The following RADIL variants were observed in gnomAD, a reference collection of about 807,000 sequenced individuals.
RADIL encodes the protein Rap associating with DIL domain, also known as ras-associating and dilute domain-containing protein.
Under a neutral mutation model 97.6 loss-of-function variants are expected in RADIL, and 99 were observed. The ratio of observed to expected loss-of-function variants is 1.01; its 90% CI spans 0.86 to 1.20. RADIL has a LOEUF of 1.20. Among genes scored for constraint, RADIL ranks in the 50% most tolerant of loss-of-function variants. RADIL has a pLI of 0.00. For synonymous variants in RADIL, 803 were observed against 691.8 expected, an observed-to-expected ratio of 1.16 and a Z score of -2.52; for missense variants, 1,765 against 1,498.9, an observed-to-expected ratio of 1.18 and a Z score of -2.93.
intron 5 of RADIL, 36 bp downstream of exon 5, chr7:4,832,105 G>A: frequency 1.2e-6 from 2 of 1,608,602 alleles, no homozygotes; most frequent in South Asian, 1.1e-5. Context: ...AGGACCTGCT[G>A]CCCAGAGGCG....
chr7:4,799,508 G>A (rs752746688), intron 14 of RADIL, 25 bp from the exon 15 acceptor site: 8 of 1,613,630 alleles, frequency 5.0e-6, no homozygotes, highest in Non-Finnish European at 6.8e-6. Context: ...AGAGGTGGGG[G>A]TGGGCAGGAG....
intron 12 of RADIL, 55 bp downstream of exon 12, chr7:4,801,597 AG>A (rs2115153277): frequency 1.3e-6 from 2 of 1,513,204 alleles, no homozygotes; most frequent in East Asian, 4.9e-5. Context: ...ACCGGCCATC[AG>A]GGTGCTGTGC....
intron 2 of RADIL, among the ~76,000 whole-genome samples, chr7:4,864,148 C>A (rs1331850693): frequency 2.0e-5 from 3 of 152,216 alleles, no homozygotes; most frequent in Non-Finnish European, 2.9e-5. Flanking sequence ...TCAAAAACAG[C>A]TATCAGCAAG....
At chr7:4,858,286 G>A (rs1783884954) in intron 2 of RADIL, 1 of 152,124 alleles carries the variant, frequency 6.6e-6, no homozygotes, top group African/African-American at 2.4e-5. Flanking sequence ...GGACGGGAGG[G>A]GTTAAAGCAA....
At chr7:4,828,099 C>G (rs1346231813) in intron 5 of RADIL, among the ~76,000 whole-genome samples, 3 of 152,130 alleles carry the variant, frequency 2.0e-5, no homozygotes, top group African/African-American at 7.2e-5. Context: ...AAGGACTGCA[C>G]GCTGTTGGTG....
intron 2 of RADIL, among the ~76,000 whole-genome samples, chr7:4,875,061 G>A (rs1562460457): frequency 2.0e-5 from 3 of 146,556 alleles, no homozygotes; most frequent in Non-Finnish European, 2.9e-5. Flanking sequence ...GCGTGGTGGC[G>A]GGCGCCTGTA....
intron 9 of RADIL, among the ~76,000 whole-genome samples, chr7:4,809,998 T>C (rs1782493798): frequency 6.6e-6 from 1 of 151,978 alleles, no homozygotes; most frequent in Admixed American, 6.6e-5. Context: ...CTAATTTTTG[T>C]ATATTTACGC....
Position 4,827,857 on chromosome 7 carries a change from C to T in RADIL, c.1454+4284G>A, listed in dbSNP as rs373056371. Among the ~76,000 whole-genome samples the T allele has an allele frequency of 1.1e-4, 16 of 152,118 alleles. 1 individual carries two copies. The East Asian group carries it at 2.3e-3, about 22-fold the overall frequency. The stretch of plus-strand genomic sequence containing the variant: ...CGGAGAAAGCTCCCCAATTCATGTT[C>T]TGTGAACCTTGTTACTAAAATCAGA... On this transcript the variant is annotated intron_variant, in intron 5 of 14. Coordinates refer to ENST00000399583, the MANE Select transcript of RADIL (RefSeq NM_018059.5).
rs780994887 is a variant in RADIL at position 4,816,478 on chromosome 7, AGAG to A, written c.1729-16_1729-14del. The A allele has an allele frequency of 8.2e-6, 13 of 1,589,354 alleles. No homozygotes were observed. Among genetic ancestry groups the A allele is most frequent in the Admixed American group, 1.7e-5 (1 of 59,088 alleles). ...AGATGTACAGGGACTGGCGGGGGCA[AGAG>A]GAGAACAGCAACCAGCATTTCCAGG... On this transcript the variant is annotated splice_polypyrimidine_tract_variant and intron_variant, in intron 7 of 14. Transcript: ENST00000399583.
intron 5 of RADIL, among the ~76,000 whole-genome samples, chr7:4,825,795 G>C (rs1226247943): frequency 2.1e-5 from 3 of 143,500 alleles, no homozygotes; most frequent in African/African-American, 7.7e-5. Flanking sequence ...AGAATTTCTT[G>C]AACCAGGACC....
chr7:4,835,087 C>A lies in RADIL; in HGVS notation c.936G>T (p.Ala312=). 1.9e-6 allele frequency: 3 copies of A among 1,607,482 alleles called. No homozygotes were observed. In the East Asian group the frequency reaches 6.7e-5, roughly 36 times the overall value. The part of the protein sequence containing the change: ...RQPLPDSGQA[A]GRLVLEPIPG... ...GGATGGGCTCCAGGACCAGCCTCCC[C>A]GCGGCCTGGCCGCTGTCCGGGAGCG... is the stretch of plus-strand genomic sequence containing the variant. The change falls in exon 4 of 15, where the codon GCG becomes GCT. Residue 312 remains alanine (A), a synonymous_variant. Coordinates refer to ENST00000399583, the MANE Select transcript of RADIL (RefSeq NM_018059.5). The surrounding 1 kb of genome is among the most constrained non-coding windows in gnomAD (Gnocchi z 5.8).
At chr7:4,857,196 T>A (rs1049285353) in intron 2 of RADIL, among the ~76,000 whole-genome samples, 2 of 152,246 alleles carry the variant, frequency 1.3e-5, no homozygotes, top group East Asian at 3.8e-4. Context: ...CCTGATGCTG[T>A]AGGACTTCTA....
chr7:4,830,079 T>C (rs1240925105), intron 5 of RADIL, among the ~76,000 whole-genome samples: 2 of 152,178 alleles, frequency 1.3e-5, no homozygotes, highest in Non-Finnish European at 2.9e-5. Context: ...TCGTCAGTGT[T>C]ATCTCACGTG....
In RADIL at chr7:4,813,537, C is replaced by G. The variant is rs1782601060; in HGVS notation, c.2139+1741G>C. 6.6e-6 allele frequency among the ~76,000 whole-genome samples: 1 copy of G among 152,242 alleles called. No homozygotes were observed. The highest frequency in any genetic ancestry group is 6.5e-5 in the Admixed American group (1 of 15,288). ...CCTCCCTCCTGTGAGATGGCCAGTG[C>G]TGTGCTGTTCCAGTTTCTGTTTCCC... On this transcript the variant is annotated intron_variant, in intron 9 of 14. Transcript: ENST00000399583. This position sits in a 1 kb window ranked among gnomAD's most constrained non-coding sequence, Gnocchi z 5.0.
intron 2 of RADIL, among the ~76,000 whole-genome samples, chr7:4,850,848 G>C (rs1783691414): frequency 6.6e-6 from 1 of 152,200 alleles, no homozygotes; most frequent in South Asian, 2.1e-4. Flanking sequence ...CTCCTGACTT[G>C]TGGAAAACGT....
rs1210328529 is a variant in RADIL at position 4,824,033 on chromosome 7, G to A, written c.1455-1479C>T. Among the ~76,000 whole-genome samples the A allele has an allele frequency of 6.6e-6, 1 of 152,160 alleles. No homozygotes were observed. Among genetic ancestry groups the A allele is most frequent in the Non-Finnish European group, 1.5e-5 (1 of 68,014 alleles). ...CGGACACAAATAGCCGTGTGCCCCTGAGCAGTGAGCAGAAGGCCGTGTGTG... is the reference window on the plus strand; with the variant it reads ...CGGACACAAATAGCCGTGTGCCCCTAAGCAGTGAGCAGAAGGCCGTGTGTG... On this transcript the variant is annotated intron_variant, in intron 5 of 14. Transcript: ENST00000399583. The surrounding 1 kb of genome is among the most constrained non-coding windows in gnomAD (Gnocchi z 6.7).
intron 10 of RADIL, 164 bp downstream of exon 10, chr7:4,805,402 G>A (rs1338875069): frequency 6.6e-6 from 5 of 760,542 alleles, no homozygotes; most frequent in Non-Finnish European, 9.2e-6. Flanking sequence ...TTGGGGATGG[G>A]GCGGGGCGGG....
At position 4,822,485 on chromosome 7, in the gene RADIL, G is replaced by T; in HGVS notation, c.1524C>A (p.Phe508Leu). 4.3e-6 allele frequency: 7 copies of T among 1,613,100 alleles called. No individual in the cohort carries two copies. Among genetic ancestry groups the T allele is most frequent in the Non-Finnish European group, 5.9e-6 (7 of 1,180,014 alleles). The change falls in exon 6 of 15, where the codon TTC (phenylalanine) becomes TTA (leucine). Residue 508 changes from phenylalanine (F) to leucine (L), a missense_variant. Physicochemically the swap from Phe to Leu is conservative, Grantham distance 22. Coordinates refer to ENST00000399583, the MANE Select transcript of RADIL (RefSeq NM_018059.5). The surrounding 1 kb of genome is among the most constrained non-coding windows in gnomAD (Gnocchi z 5.3). ...DLVPDLQPIL[F>L]WMSNSIELLY... ...GGAGCTCGATGGAGTTAGACATCCA[G>T]AAAAGAATGGGCTGCAAGTCTGGAA...
At chr7:4,827,065 A>T (rs1783002328) in intron 5 of RADIL, among the ~76,000 whole-genome samples, 1 of 152,166 alleles carries the variant, frequency 6.6e-6, no homozygotes. Context: ...ATTCTAGGCC[A>T]ATAAGAATCA....
Sources: allele counts gnomAD v4.1 joint callset (sites outside exome capture counted in the v4.1 genomes callset), GRCh38; gene constraint gnomAD v4.1.1; non-coding constraint Gnocchi (gnomAD v3.1); transcripts MANE v1.5; gene names NCBI Gene and HGNC (gene_info 2026-07-23, HGNC 2026-07-21).